FER: variants seen among roughly 807,000 people sequenced by gnomAD.
The protein encoded by FER is FER tyrosine kinase, also known as tyrosine-protein kinase Fer.
Under a neutral mutation model 111.0 loss-of-function variants are expected in FER, and 63 were observed. The observed-to-expected ratio is 0.57, with a 90% CI of 0.46 to 0.70. The LOEUF (loss-of-function observed/expected upper bound fraction) is 0.70. Among genes scored for constraint, FER ranks in the 30% least tolerant of loss-of-function variants. The pLI is 0.00. For synonymous variants in FER, 327 were observed against 313.9 expected (o/e 1.04, Z -0.44); for missense variants, 914 against 954.0 (o/e 0.96, Z 0.55).
intron 13 of FER, among the ~76,000 whole-genome samples, chr5:109,036,806 G>C (rs571742399): frequency 1.3e-3 from 194 of 151,892 alleles, no homozygotes; most frequent in Admixed American, 4.1e-3. Flanking sequence ...ATCAGTTCTT[G>C]AGATCAGATA....
chr5:108,846,643 C>T (rs1034165127), intron 5 of FER, among the ~76,000 whole-genome samples: 12 of 151,870 alleles, frequency 7.9e-5, no homozygotes, highest in African/African-American at 1.2e-4. Context: ...AGTGCAGTGG[C>T]GCGATCACGG....
intron 16 of FER, among the ~76,000 whole-genome samples, chr5:109,062,195 C>G (rs999000203): frequency 6.6e-6 from 1 of 152,082 alleles, no homozygotes; most frequent in Non-Finnish European, 1.5e-5. Context: ...TAAGAGAGGA[C>G]TTTTAAAAGT....
At chr5:109,156,200 T>C (rs995601833) in intron 17 of FER, among the ~76,000 whole-genome samples, 6 of 151,732 alleles carry the variant, frequency 4.0e-5, no homozygotes, top group African/African-American at 1.5e-4. Flanking sequence ...AGCCAGGAGG[T>C]AAGAGGTGAT....
intron 17 of FER, among the ~76,000 whole-genome samples, chr5:109,134,723 CAATCTGCTTTGG>C (rs1752713342): frequency 1.3e-5 from 2 of 152,094 alleles, no homozygotes; most frequent in South Asian, 4.1e-4. Flanking sequence ...GATGAGTTCA[CAATCTGCTTTGG>C]AAGCAGGAAC....
In FER at chr5:109,106,337, T is replaced by C. The variant is rs372703899; in HGVS notation, c.2048+5818T>C. On this transcript the variant is annotated intron_variant, in intron 17 of 19. Transcript: ENST00000281092. ...AGCATTTTGTTGTTGCTTCTCTATT[T>C]AATAAGAGTTTGAATTTTTTTTCAT... 2.6e-5 allele frequency among the ~76,000 whole-genome samples: 4 copies of C among 152,184 alleles called. No individual in the cohort carries two copies. The East Asian group carries it at 7.7e-4, about 29-fold the overall frequency.
chr5:108,983,249 G>A (rs1392344252), intron 13 of FER, among the ~76,000 whole-genome samples: 1 of 151,974 alleles, frequency 6.6e-6, no homozygotes, highest in Admixed American at 6.6e-5. Context: ...GGAATTACTA[G>A]CACAAAATTA....
At chr5:109,177,639 C>G (rs1201469569) in intron 17 of FER, 1 of 152,184 alleles carries the variant, frequency 6.6e-6, no homozygotes, top group Non-Finnish European at 1.5e-5. Context: ...TGTAACTGCT[C>G]TCTGTTCTTA....
At chr5:108,861,310 C>T (rs1763494222) in intron 5 of FER, among the ~76,000 whole-genome samples, 2 of 152,138 alleles carry the variant, frequency 1.3e-5, no homozygotes, top group African/African-American at 2.4e-5. Context: ...AATGAGTAGT[C>T]TAGCCTTTCT....
chr5:109,104,979 G>C (rs1231975644), intron 17 of FER, among the ~76,000 whole-genome samples: 1 of 151,974 alleles, frequency 6.6e-6, no homozygotes, highest in African/African-American at 2.4e-5. Context: ...TCCTGACCTC[G>C]TGATCCGCCT....
intron 10 of FER, among the ~76,000 whole-genome samples, chr5:108,926,196 G>T (rs1450373738): frequency 6.7e-6 from 1 of 148,934 alleles, no homozygotes; most frequent in African/African-American, 2.5e-5. Flanking sequence ...TTCAATCTCT[G>T]ATATATATTC....
At chr5:109,034,799 T>C (rs180748460) in intron 13 of FER, among the ~76,000 whole-genome samples, 50 of 152,190 alleles carry the variant, frequency 3.3e-4, no homozygotes, top group African/African-American at 1.0e-3. Context: ...CAAGAATCAG[T>C]TTGCAACTTT....
At chr5:108,828,040 A>AT (rs987373733) in intron 3 of FER, among the ~76,000 whole-genome samples, 10 of 149,032 alleles carry the variant, frequency 6.7e-5, no homozygotes, top group Middle Eastern at 3.5e-3. Flanking sequence ...TTGATTAAAA[A>AT]TTTTTTTTTT....
At chr5:109,167,104 GAACTC>G in intron 17 of FER, among the ~76,000 whole-genome samples, 1 of 152,106 alleles carries the variant, frequency 6.6e-6, no homozygotes, top group South Asian at 2.1e-4. Flanking sequence ...TTATAGAATT[GAACTC>G]TTTGAGGGAA....
intron 9 of FER, among the ~76,000 whole-genome samples, chr5:108,892,326 T>A (rs1240349917): frequency 6.6e-6 from 1 of 152,180 alleles, no homozygotes; most frequent in Non-Finnish European, 1.5e-5. Flanking sequence ...CTCCAGCACC[T>A]GTTGTTTCCT....
At chr5:109,114,054 AG>A (rs1749944931) in intron 17 of FER, among the ~76,000 whole-genome samples, 1 of 152,158 alleles carries the variant, frequency 6.6e-6, no homozygotes, top group Non-Finnish European at 1.5e-5. Flanking sequence ...TTGGTGCTAA[AG>A]TGACATTCTT....
intron 3 of FER, chr5:108,819,669 T>TAA (rs1758641527): frequency 7.2e-5 from 29 of 404,092 alleles, no homozygotes; most frequent in Non-Finnish European, 9.4e-5. Context: ...TAAGCAAAGT[T>TAA]AGCTTTAATA....
At chr5:109,143,958 A>G (rs1479861033) in intron 17 of FER, among the ~76,000 whole-genome samples, 1 of 151,798 alleles carries the variant, frequency 6.6e-6, no homozygotes, top group Non-Finnish European at 1.5e-5. Flanking sequence ...GCAGACTAGG[A>G]GGCATCTTGA....
chr5:108,770,211 G>T (rs969632748), intron 2 of FER, among the ~76,000 whole-genome samples: 2 of 152,188 alleles, frequency 1.3e-5, no homozygotes, highest in Non-Finnish European at 2.9e-5. Context: ...GTGTCCCAAA[G>T]TGCCGGGGTT....
chr5:108,897,636 C>A, intron 9 of FER, 23 bp from the exon 10 acceptor site: 2 of 1,482,442 alleles, frequency 1.3e-6, no homozygotes, highest in Non-Finnish European at 1.8e-6. Flanking sequence ...AAGTTGAAAT[C>A]ATTTATATTT....
Sources: allele counts gnomAD v4.1 joint callset (sites outside exome capture counted in the v4.1 genomes callset), GRCh38; gene constraint gnomAD v4.1.1; transcripts MANE v1.5; gene names NCBI Gene and HGNC (gene_info 2026-07-23, HGNC 2026-07-21).